The following COL22A1 variants were observed in gnomAD, a reference collection of about 807,000 sequenced individuals.
COL22A1 encodes collagen alpha-1(XXII) chain.
A neutral mutation model predicts 248.9 loss-of-function variants in COL22A1; 221 were observed. The ratio of observed to expected loss-of-function variants is 0.89; its 90% CI spans 0.80 to 0.99. The LOEUF (loss-of-function observed/expected upper bound fraction) is 0.99, where lower values mean the gene tolerates loss of function less well. Among genes scored for constraint, COL22A1 ranks in the 50% least tolerant of loss-of-function variants. COL22A1 has a pLI of 0.00. For synonymous variants in COL22A1, 891 were observed against 793.4 expected (o/e 1.12, Z -2.07); for missense variants, 2,240 against 2,179.0 (o/e 1.03, Z -0.56).
At chr8:138,794,694 C>T (rs1339296368) in intron 12 of COL22A1, among the ~76,000 whole-genome samples, 1 of 152,122 alleles carries the variant, frequency 6.6e-6, no homozygotes, top group African/African-American at 2.4e-5. Context: ...TACAGTAGCT[C>T]TATTTTTAAT....
chr8:138,801,843 G>A (rs1817025953), intron 11 of COL22A1, among the ~76,000 whole-genome samples: 1 of 151,886 alleles, frequency 6.6e-6, no homozygotes, highest in African/African-American at 2.4e-5. Context: ...TCATGCCACT[G>A]TACTCCAGCC....
intron 1 of COL22A1, among the ~76,000 whole-genome samples, chr8:138,906,787 G>A (rs1815062670): frequency 6.6e-6 from 1 of 151,914 alleles, no homozygotes; most frequent in African/African-American, 2.4e-5. Flanking sequence ...CAAGTAGCTG[G>A]GATTACAGGC....
chr8:138,609,589 G>A (rs1046915599), intron 56 of COL22A1, among the ~76,000 whole-genome samples: 4 of 152,138 alleles, frequency 2.6e-5, no homozygotes, highest in Non-Finnish European at 4.4e-5. Context: ...GCTGCATAAC[G>A]CTTCTCCCTG....
chr8:138,751,053 A>G (rs1832556048), intron 22 of COL22A1, among the ~76,000 whole-genome samples: 1 of 152,242 alleles, frequency 6.6e-6, no homozygotes, highest in African/African-American at 2.4e-5. Context: ...TGCACAATCT[A>G]GATAGGAAAA....
chr8:138,793,514 C>T (rs1019951968), intron 12 of COL22A1, among the ~76,000 whole-genome samples: 1 of 152,334 alleles, frequency 6.6e-6, no homozygotes, highest in Non-Finnish European at 1.5e-5. Flanking sequence ...CCAAATCACA[C>T]AGCTAATATG....
intron 6 of COL22A1, among the ~76,000 whole-genome samples, chr8:138,823,898 G>A (rs1424637882): frequency 2.0e-5 from 3 of 152,192 alleles, no homozygotes; most frequent in African/African-American, 7.2e-5. Context: ...ATGCATGAAG[G>A]AATGAACAAA....
intron 4 of COL22A1, among the ~76,000 whole-genome samples, chr8:138,838,757 C>T (rs1398473237): frequency 2.0e-5 from 3 of 151,684 alleles, no homozygotes; most frequent in African/African-American, 2.4e-5. Context: ...GGCTGTGATG[C>T]AAGGCACTGT....
At chr8:138,745,159 C>A (rs746851300) in intron 22 of COL22A1, among the ~76,000 whole-genome samples, 2 of 151,850 alleles carry the variant, frequency 1.3e-5, no homozygotes, top group Non-Finnish European at 2.9e-5. Context: ...TGAAATGTGT[C>A]ACAATATACA....
chr8:138,629,446 G>T (rs1342834690), intron 50 of COL22A1, among the ~76,000 whole-genome samples: 1 of 152,182 alleles, frequency 6.6e-6, no homozygotes, highest in African/African-American at 2.4e-5. Flanking sequence ...GAGCCACTGT[G>T]CCCGGCCCAG....
At chr8:138,911,496 C>T (rs1347453646) in intron 1 of COL22A1, among the ~76,000 whole-genome samples, 1 of 152,226 alleles carries the variant, frequency 6.6e-6, no homozygotes. Context: ...GCTCCCAGGT[C>T]TTCAGAGGCC....
intron 42 of COL22A1, among the ~76,000 whole-genome samples, chr8:138,662,344 C>T (rs1187665284): frequency 2.6e-5 from 4 of 152,066 alleles, no homozygotes; most frequent in East Asian, 1.9e-4. Context: ...TTGTATAGTT[C>T]CCTTGCTTGA....
intron 51 of COL22A1, 49 bp from the exon 52 acceptor site, chr8:138,623,834 G>C (rs1157154951): frequency 1.3e-6 from 2 of 1,548,946 alleles, no homozygotes; most frequent in Admixed American, 3.7e-5. Context: ...GATTCGAGGG[G>C]ATGGAAAGAC....
intron 2 of COL22A1, among the ~76,000 whole-genome samples, chr8:138,881,671 C>G (rs1451448566): frequency 1.3e-5 from 2 of 152,184 alleles, no homozygotes; most frequent in African/African-American, 4.8e-5. Flanking sequence ...GGCGACAGAG[C>G]GAGACTCCGT....
At chr8:138,690,932 C>G in intron 35 of COL22A1, 58 bp from the exon 36 acceptor site, 1 of 1,412,134 alleles carries the variant, frequency 7.1e-7, no homozygotes, top group South Asian at 1.3e-5. Context: ...TAGTTGCCCC[C>G]ACTCTCTCTG....
In COL22A1 at chr8:138,796,807, G is replaced by A. The variant is rs201372228; in HGVS notation, c.1596+12C>T. 3 of 1,579,264 alleles carry A rather than the reference G, an allele frequency of 1.9e-6. No individual in the cohort carries two copies. In the East Asian group the frequency reaches 6.7e-5, roughly 35 times the overall value. ...TTCCCTTGGAGGAGTGTGATAAAAG[G>A]AAGATGCTTACCTTTTCACCCTTTT... is the stretch of plus-strand genomic sequence containing the variant. On this transcript the variant is annotated intron_variant, in intron 12 of 64. Transcript: ENST00000303045.
intron 23 of COL22A1, 110 bp downstream of exon 23, chr8:138,737,414 A>T: frequency 7.8e-6 from 6 of 770,466 alleles, no homozygotes; most frequent in Non-Finnish European, 1.4e-5. Flanking sequence ...TAATAGTTTG[A>T]TGAGGTGACC....
At position 138,709,274 on chromosome 8, in the gene COL22A1, C is replaced by A. The variant is rs182839842; in HGVS notation, c.2518-5927G>T. On this transcript the variant is annotated intron_variant, in intron 30 of 64. Transcript: ENST00000303045. Reference sequence around the variant, plus strand: ...AACTAGAAATACCATTTGACCCAGCCATCCCATTTCTAGGTATATACCCAA... The same window carrying A: ...AACTAGAAATACCATTTGACCCAGCAATCCCATTTCTAGGTATATACCCAA... Among the ~76,000 whole-genome samples, 434 of 152,206 alleles carry A rather than the reference C, an allele frequency of 2.9e-3. 3 individuals are homozygous for A. Among genetic ancestry groups the A allele is most frequent in the African/African-American group, 0.01 (419 of 41,530 alleles).
chr8:138,733,590 CT>C (rs1392397250), intron 23 of COL22A1, among the ~76,000 whole-genome samples: 1 of 152,218 alleles, frequency 6.6e-6, no homozygotes, highest in Non-Finnish European at 1.5e-5. Context: ...TTTCCCTTTA[CT>C]TCTCCCCACT....
chr8:138,716,572 A>G (rs752011466), intron 28 of COL22A1, among the ~76,000 whole-genome samples: 1 of 151,930 alleles, frequency 6.6e-6, no homozygotes, highest in Non-Finnish European at 1.5e-5. Context: ...CTCAGCAACA[A>G]TGTCACCTTC....
Sources: allele counts gnomAD v4.1 joint callset (sites outside exome capture counted in the v4.1 genomes callset), GRCh38; gene constraint gnomAD v4.1.1; transcripts MANE v1.5; gene names NCBI Gene and HGNC (gene_info 2026-07-23, HGNC 2026-07-21).